The following NKAIN2 variants were observed in gnomAD, a reference collection of about 807,000 sequenced individuals.
NKAIN2 encodes sodium/potassium transporting ATPase interacting 2, also known as sodium/potassium-transporting ATPase subunit beta-1-interacting protein 2.
In NKAIN2, 14 loss-of-function variants were observed where a neutral mutation model predicts 32.6. The ratio of observed to expected loss-of-function variants is 0.43; its 90% confidence interval spans 0.28 to 0.67. The LOEUF is 0.67. Among genes scored for constraint, NKAIN2 ranks in the 30% least tolerant of loss-of-function variants. The pLI, the probability that NKAIN2 is intolerant of heterozygous loss-of-function variation, is 0.17. For synonymous variants in NKAIN2, 80 were observed against 87.2 expected, an observed-to-expected ratio of 0.92 and a Z score of 0.46; for missense variants, 198 against 258.3, an observed-to-expected ratio of 0.77 and a Z score of 1.60.
At chr6:124,814,838 A>G (rs541897755) in intron 5 of NKAIN2, among the ~76,000 whole-genome samples, 46 of 152,232 alleles carry the variant, frequency 3.0e-4, no homozygotes, top group African/African-American at 1.1e-3. Context: ...TTGGTTCATA[A>G]TTATCATCTA....
intron 1 of NKAIN2, among the ~76,000 whole-genome samples, chr6:124,238,799 A>C (rs915165309): frequency 6.6e-6 from 1 of 152,202 alleles, no homozygotes; most frequent in Non-Finnish European, 1.5e-5. Context: ...GGAAAGGAAA[A>C]ACTGGGACCA....
intron 4 of NKAIN2, among the ~76,000 whole-genome samples, chr6:124,765,127 C>A (rs915327248): frequency 6.6e-6 from 1 of 152,158 alleles, no homozygotes; most frequent in Non-Finnish European, 1.5e-5. Context: ...TCATTATTTT[C>A]TTAAATATTT....
intron 3 of NKAIN2, among the ~76,000 whole-genome samples, chr6:124,494,682 C>A (rs1777998128): frequency 6.6e-6 from 1 of 152,216 alleles, no homozygotes; most frequent in Middle Eastern, 3.4e-3. Flanking sequence ...TTAAATTGAA[C>A]TCCTTTAGTA....
intron 1 of NKAIN2, among the ~76,000 whole-genome samples, chr6:124,122,844 C>T (rs1785950214): frequency 6.6e-6 from 1 of 151,826 alleles, no homozygotes; most frequent in African/African-American, 2.4e-5. Flanking sequence ...TATCTGGTGT[C>T]TACATTCATG....
intron 1 of NKAIN2, among the ~76,000 whole-genome samples, chr6:123,894,025 G>T (rs1389093938): frequency 6.6e-6 from 1 of 152,178 alleles, no homozygotes; most frequent in Non-Finnish European, 1.5e-5. Context: ...TTATAATTTT[G>T]TTTGGGTACT....
chr6:124,560,857 T>G (rs555883979), intron 3 of NKAIN2, among the ~76,000 whole-genome samples: 11 of 152,326 alleles, frequency 7.2e-5, no homozygotes, highest in South Asian at 6.2e-4. Flanking sequence ...GAGTTTATCA[T>G]TACTATAGTG....
chr6:124,197,037 A>G (rs999286463), intron 1 of NKAIN2, among the ~76,000 whole-genome samples: 4 of 151,642 alleles, frequency 2.6e-5, no homozygotes, highest in African/African-American at 9.7e-5. Context: ...AATCTGGAAT[A>G]GTATGCTTAT....
chr6:123,883,301 C>G (rs1345672815), intron 1 of NKAIN2, among the ~76,000 whole-genome samples: 1 of 151,958 alleles, frequency 6.6e-6, no homozygotes, highest in Non-Finnish European at 1.5e-5. Context: ...CCCGCCACCA[C>G]CCCTGGCTAA....
intron 3 of NKAIN2, among the ~76,000 whole-genome samples, chr6:124,363,344 T>C (rs1799377224): frequency 6.6e-6 from 1 of 152,178 alleles, no homozygotes; most frequent in Non-Finnish European, 1.5e-5. Flanking sequence ...TTTGTAAACA[T>C]GCTATACCCT....
intron 1 of NKAIN2, among the ~76,000 whole-genome samples, chr6:124,070,570 T>C (rs548360748): frequency 6.6e-6 from 1 of 152,272 alleles, no homozygotes; most frequent in African/African-American, 2.4e-5. Flanking sequence ...TTGGAGTGGA[T>C]TAGACTTGGA....
intron 3 of NKAIN2, among the ~76,000 whole-genome samples, chr6:124,619,319 A>G (rs1214648859): frequency 6.6e-6 from 1 of 152,164 alleles, no homozygotes; most frequent in Non-Finnish European, 1.5e-5. Context: ...CTTGGAGGCC[A>G]ATAGGATTAC....
intron 4 of NKAIN2, among the ~76,000 whole-genome samples, chr6:124,677,669 T>C (rs1773426482): frequency 6.6e-6 from 1 of 152,190 alleles, no homozygotes; most frequent in South Asian, 2.1e-4. Context: ...TGTGTATCTA[T>C]TAACATATTT....
chr6:124,626,152 T>C (rs941026171), intron 3 of NKAIN2, among the ~76,000 whole-genome samples: 2 of 134,650 alleles, frequency 1.5e-5, no homozygotes, highest in African/African-American at 5.8e-5. Flanking sequence ...GTATCACCAC[T>C]TTAAAATAGA....
intron 1 of NKAIN2, among the ~76,000 whole-genome samples, chr6:123,816,716 A>G (rs1314684721): frequency 1.3e-5 from 2 of 152,162 alleles, no homozygotes; most frequent in African/African-American, 2.4e-5. Context: ...CCAGGCAAAC[A>G]TTTGAGAATA....
intron 3 of NKAIN2, among the ~76,000 whole-genome samples, chr6:124,633,470 TC>T (rs1402106995): frequency 6.6e-6 from 1 of 152,170 alleles, no homozygotes; most frequent in Non-Finnish European, 1.5e-5. Context: ...TCATTTCTTC[TC>T]CAATTATAGC....
intron 5 of NKAIN2, among the ~76,000 whole-genome samples, chr6:124,796,964 G>A (rs951651617): frequency 2.0e-5 from 3 of 152,038 alleles, no homozygotes; most frequent in African/African-American, 7.2e-5. Context: ...GAAAGAAAAT[G>A]TTTGGAGATT....
At chr6:124,530,402 C>T (rs1023434008) in intron 3 of NKAIN2, among the ~76,000 whole-genome samples, 3 of 151,982 alleles carry the variant, frequency 2.0e-5, no homozygotes, top group African/African-American at 7.3e-5. Flanking sequence ...TAGGTTGAGA[C>T]GGAGGAGGAA....
Position 124,749,487 on chromosome 6 carries a change from T to C in NKAIN2, c.475-41852T>C, listed in dbSNP as rs185015721. On this transcript the variant is annotated intron_variant, in intron 4 of 6. Coordinates refer to ENST00000368417, the MANE Select transcript of NKAIN2 (RefSeq NM_001040214.3). ...ATTTATTCTAGGGTAAAAAAGAAAA[T>C]TATAAATGTATGTTTTTAACTTTAC... is the stretch of plus-strand genomic sequence containing the variant. Among the ~76,000 whole-genome samples the C allele has an allele frequency of 9.2e-4, 140 of 151,990 alleles. 2 individuals are homozygous for C. Among genetic ancestry groups the C allele is most frequent in the Non-Finnish European group, 8.7e-4 (59 of 67,904 alleles).
chr6:124,735,963 C>T (rs1048056048), intron 4 of NKAIN2, among the ~76,000 whole-genome samples: 5 of 151,780 alleles, frequency 3.3e-5, no homozygotes, highest in Admixed American at 6.6e-5. Flanking sequence ...AAATGTCTCT[C>T]GCTTTAAATC....
Sources: allele counts gnomAD v4.1 joint callset (sites outside exome capture counted in the v4.1 genomes callset), GRCh38; gene constraint gnomAD v4.1.1; transcripts MANE v1.5; gene names NCBI Gene and HGNC (gene_info 2026-07-23, HGNC 2026-07-21).